SOX5: variants seen among roughly 807,000 people sequenced by gnomAD.
SOX5 encodes the protein SRY-box transcription factor 5.
In SOX5, 9 loss-of-function variants were observed where a neutral mutation model predicts 92.0. That is an observed-to-expected ratio of 0.10 (90% confidence interval 0.06 to 0.17). SOX5 has a LOEUF of 0.17. SOX5 is among the 10% of genes least tolerant of loss of function. The pLI is 1.00. For synonymous variants in SOX5, 344 were observed against 336.3 expected (o/e 1.02, Z -0.25); for missense variants, 642 against 944.5 (o/e 0.68, Z 4.20).
At chr12:23,713,587 T>C (rs1229830113) in intron 6 of SOX5, among the ~76,000 whole-genome samples, 2 of 151,828 alleles carry the variant, frequency 1.3e-5, no homozygotes, top group African/African-American at 4.8e-5. Flanking sequence ...TACTGTGGCA[T>C]TATTTAGTTC....
intron 2 of SOX5, among the ~76,000 whole-genome samples, chr12:24,288,098 G>C (rs1946127502): frequency 6.6e-6 from 1 of 152,192 alleles, no homozygotes; most frequent in African/African-American, 2.4e-5. Flanking sequence ...AGTGGGATTA[G>C]CACAGTGCTT....
chr12:23,934,377 A>G (rs2139311416), intron 1 of SOX5, among the ~76,000 whole-genome samples: 1 of 150,386 alleles, frequency 6.6e-6, no homozygotes, highest in South Asian at 2.1e-4. Flanking sequence ...TCAAAAATCA[A>G]TTTTATATAT....
chr12:24,525,623 G>C (rs140708726), intron 1 of SOX5, among the ~76,000 whole-genome samples: 2,832 of 152,192 alleles, frequency 0.019, 37 homozygotes, highest in Non-Finnish European at 0.029. Flanking sequence ...TGTAATCCCA[G>C]CACTTTGGGA....
chr12:24,503,037 G>A (rs1566326209), intron 1 of SOX5, among the ~76,000 whole-genome samples: 1 of 152,172 alleles, frequency 6.6e-6, no homozygotes, highest in Non-Finnish European at 1.5e-5. Flanking sequence ...TGCACTGTGG[G>A]ATTCTGGATG....
At chr12:23,991,684 A>C (rs1472797007) in intron 4 of SOX5, among the ~76,000 whole-genome samples, 1 of 151,924 alleles carries the variant, frequency 6.6e-6, no homozygotes, top group African/African-American at 2.4e-5. Context: ...TCATTTGATA[A>C]TAAAATAATG....
At chr12:23,599,685 T>G (rs1953113675) in intron 9 of SOX5, among the ~76,000 whole-genome samples, 1 of 152,216 alleles carries the variant, frequency 6.6e-6, no homozygotes, top group Non-Finnish European at 1.5e-5. Context: ...AATGTGAAGT[T>G]TGGATGTTTA....
chr12:24,202,341 T>C (rs1957603204), intron 4 of SOX5, among the ~76,000 whole-genome samples: 1 of 152,216 alleles, frequency 6.6e-6, no homozygotes, highest in Non-Finnish European at 1.5e-5. Context: ...TATCTTCCAA[T>C]TTAACTTTTC....
chr12:23,764,297 A>T (rs934006172), intron 3 of SOX5, among the ~76,000 whole-genome samples: 2 of 152,092 alleles, frequency 1.3e-5, no homozygotes, highest in African/African-American at 4.8e-5. Flanking sequence ...TTTTCCATAT[A>T]TTCCATTTGA....
chr12:23,659,937 G>A (rs2082814808), intron 7 of SOX5, among the ~76,000 whole-genome samples: 1 of 152,070 alleles, frequency 6.6e-6, no homozygotes, highest in South Asian at 2.1e-4. Flanking sequence ...ACTGCACTGG[G>A]TGACAGAGTG....
intron 4 of SOX5, among the ~76,000 whole-genome samples, chr12:23,967,501 T>G (rs1223570748): frequency 6.6e-6 from 1 of 152,068 alleles, no homozygotes; most frequent in Non-Finnish European, 1.5e-5. Flanking sequence ...ATAAGATAGA[T>G]ATAAAATCTA....
intron 1 of SOX5, among the ~76,000 whole-genome samples, chr12:24,453,326 G>A (rs115176339): frequency 1.1e-4 from 16 of 152,190 alleles, no homozygotes; most frequent in African/African-American, 3.9e-4. Context: ...CTTAAGTTGA[G>A]CAAAAGTGCA....
intron 13 of SOX5, among the ~76,000 whole-genome samples, chr12:23,538,600 C>T (rs1342114729): frequency 1.3e-5 from 2 of 152,062 alleles, no homozygotes; most frequent in Non-Finnish European, 2.9e-5. Flanking sequence ...TCCTATTGAA[C>T]TAGAACAACC....
At chr12:24,289,592 T>C (rs1380929333) in intron 2 of SOX5, among the ~76,000 whole-genome samples, 3 of 141,678 alleles carry the variant, frequency 2.1e-5, no homozygotes, top group African/African-American at 5.8e-5. Flanking sequence ...TAGCTGGGAC[T>C]ACAGGCGCCC....
intron 4 of SOX5, among the ~76,000 whole-genome samples, chr12:24,154,832 GAATT>G (rs1295974869): frequency 1.3e-5 from 2 of 151,984 alleles, no homozygotes; most frequent in South Asian, 2.1e-4. Context: ...TACACTGATA[GAATT>G]AATAATAATT....
At chr12:23,776,014 G>A (rs1337014844) in intron 3 of SOX5, among the ~76,000 whole-genome samples, 1 of 152,060 alleles carries the variant, frequency 6.6e-6, no homozygotes, top group East Asian at 1.9e-4. Flanking sequence ...CAGATCACTA[G>A]GCATTAATTA....
intron 7 of SOX5, among the ~76,000 whole-genome samples, chr12:23,649,472 C>T (rs942659500): frequency 1.3e-5 from 2 of 152,090 alleles, no homozygotes; most frequent in African/African-American, 2.4e-5. Flanking sequence ...TTCAAGTTGA[C>T]TTTCAACTAG....
rs1555200098 is a variant in SOX5 at position 23,611,367 on chromosome 12, TGC to T, written c.1018-6836_1018-6835del. Among the ~76,000 whole-genome samples the T allele has an allele frequency of 3.1e-5, 4 of 127,136 alleles. No homozygotes were observed. In the South Asian group the frequency reaches 7.3e-4, roughly 23 times the overall value. The allele number at this position is 127,136 out of a possible 152,430, so 83.4% of individuals were successfully genotyped here. On this transcript the variant is annotated intron_variant, in intron 8 of 14. Coordinates refer to ENST00000451604, the MANE Select transcript of SOX5 (RefSeq NM_006940.6). ...AAGTATTCCATCGTGTGTGTGTGTG[TGC>T]GTGTGTGTGTGTGTGTGTGTGTGTG... is the stretch of plus-strand genomic sequence containing the variant.
Position 24,054,333 on chromosome 12 carries a change from A to C in SOX5, c.-1-158309T>G, listed in dbSNP as rs562339759. Among the ~76,000 whole-genome samples the C allele has an allele frequency of 2.0e-5, 3 of 152,324 alleles. No individual in the cohort carries two copies. In the South Asian group the frequency reaches 6.2e-4, roughly 32 times the overall value. ...CTTCCTCAGAGAACAGTTTGAAAAC[A>C]ATTGTGCTGGACTATTTTCTACTTA... On this transcript the variant is annotated intron_variant, in intron 4 of 4. Transcript: ENST00000446891.
intron 2 of SOX5, among the ~76,000 whole-genome samples, chr12:24,311,690 T>C (rs1362371068): frequency 6.6e-6 from 1 of 152,196 alleles, no homozygotes; most frequent in Non-Finnish European, 1.5e-5. Flanking sequence ...AGATCAACAT[T>C]CATGTTTATT....
Sources: gnomAD v4.1 joint callset for allele counts (sites outside exome capture counted in the v4.1 genomes callset) on GRCh38, gnomAD v4.1.1 for gene constraint, MANE v1.5 for transcripts, NCBI Gene and HGNC (gene_info 2026-07-23, HGNC 2026-07-21) for gene names.